The following ITPR2 variants were observed in gnomAD, a reference collection of about 807,000 sequenced individuals.
ITPR2 encodes inositol 1,4,5-trisphosphate-gated calcium channel ITPR2.
ITPR2 carries 207 observed loss-of-function variants against 317.1 expected under a neutral mutation model. The ratio of observed to expected loss-of-function variants is 0.65; its 90% CI spans 0.58 to 0.73. The LOEUF is 0.73. Ranked by LOEUF, ITPR2 falls within the 30% of genes least tolerant of loss-of-function variation. The pLI, the probability that ITPR2 is intolerant of heterozygous loss-of-function variation, is 0.00. For missense variants in ITPR2, 2,613 were observed against 3,284.0 expected (o/e 0.80, Z 4.99); for synonymous variants, 1,156 against 1,149.1 (o/e 1.01, Z -0.12).
chr12:26,369,448 T>C (rs1939115940), intron 55 of ITPR2, among the ~76,000 whole-genome samples: 3 of 152,214 alleles, frequency 2.0e-5, no homozygotes, highest in Admixed American at 6.5e-5. Flanking sequence ...ATCAGTTTTA[T>C]TAAATAATGT....
Position 26,595,521 on chromosome 12 carries a change from A to T in ITPR2, c.4324T>A (p.Tyr1442Asn), listed in dbSNP as rs779465295. ...AATTTCCAAATGTGGTTACTTGTAT[A>T]GATTTCTTTCATTTCCACTTCAGTG... Reference protein sequence around the residue: ...VDTEVEMKEIYTSNHIWKLFE... With the variant: ...VDTEVEMKEINTSNHIWKLFE... The change falls in exon 32 of 57, where the codon TAT becomes AAT. Residue 1442 changes from tyrosine to asparagine, a missense_variant. Transcript: ENST00000381340. 3.7e-6 allele frequency: 6 copies of T among 1,607,908 alleles called. No individual in the cohort carries two copies. The South Asian group carries it at 6.7e-5, about 18-fold the overall frequency.
At chr12:26,755,523 G>A (rs551969526) in intron 2 of ITPR2, among the ~76,000 whole-genome samples, 1 of 152,238 alleles carries the variant, frequency 6.6e-6, no homozygotes, top group South Asian at 2.1e-4. Context: ...CTTTTCTTTT[G>A]AGTTATTTAA....
intron 37 of ITPR2, among the ~76,000 whole-genome samples, chr12:26,497,321 T>A (rs980845334): frequency 1.3e-5 from 2 of 151,836 alleles, no homozygotes; most frequent in Non-Finnish European, 2.9e-5. Context: ...ACCCAGCTAA[T>A]TTTTTTGTAT....
Position 26,732,448 on chromosome 12 carries a change from C to A in ITPR2, c.164-6683G>T, listed in dbSNP as rs189326849. On this transcript the variant is annotated intron_variant, in intron 2 of 56. Coordinates refer to ENST00000381340, the MANE Select transcript of ITPR2 (RefSeq NM_002223.4). ...GCTTGAATGCCCTGACAAGTGACTG[C>A]CTGACCTCTTAGTGGTAGGGACACC... Among the ~76,000 whole-genome samples, 264 of 152,280 alleles carry A rather than the reference C, an allele frequency of 1.7e-3. 1 individual carries two copies. The highest frequency in any genetic ancestry group is 6.0e-3 in the African/African-American group (250 of 41,560).
chr12:26,474,800 A>C (rs1020375537), intron 45 of ITPR2, among the ~76,000 whole-genome samples: 4 of 150,806 alleles, frequency 2.7e-5, no homozygotes, highest in Middle Eastern at 3.2e-3. Flanking sequence ...TCTCAAAAAA[A>C]AAAAAAAAAA....
chr12:26,414,006 T>G (rs1940635641), intron 51 of ITPR2, among the ~76,000 whole-genome samples: 1 of 150,140 alleles, frequency 6.7e-6, no homozygotes, highest in African/African-American at 2.5e-5. Context: ...AGTAAGTAAT[T>G]AATGTGGAGG....
intron 2 of ITPR2, among the ~76,000 whole-genome samples, chr12:26,733,321 AAAAAAAAAGAAAAG>A (rs1414200560): frequency 1.4e-5 from 2 of 144,156 alleles, no homozygotes; most frequent in Admixed American, 6.8e-5. Context: ...CTCAAAAAAA[AAAAAAAAAGAAAAG>A]AAAAGAAAAG....
chr12:26,661,430 G>A (rs1947501799), intron 15 of ITPR2, among the ~76,000 whole-genome samples: 1 of 152,082 alleles, frequency 6.6e-6, no homozygotes, highest in Non-Finnish European at 1.5e-5. Context: ...ACTGACACCA[G>A]GTAAGACATG....
At chr12:26,804,020 T>TA (rs1252165170) in intron 1 of ITPR2, among the ~76,000 whole-genome samples, 1 of 152,008 alleles carries the variant, frequency 6.6e-6, no homozygotes, top group African/African-American at 2.4e-5. Flanking sequence ...TATATATAAA[T>TA]AAAAAATAAA....
At chr12:26,781,474 T>G (rs1249080516) in intron 2 of ITPR2, among the ~76,000 whole-genome samples, 2 of 152,220 alleles carry the variant, frequency 1.3e-5, no homozygotes, top group African/African-American at 4.8e-5. Context: ...CTTAACTTTA[T>G]GTAATAGTAT....
chr12:26,382,578 T>A (rs1310243198), intron 55 of ITPR2, among the ~76,000 whole-genome samples: 1 of 152,026 alleles, frequency 6.6e-6, no homozygotes, highest in Non-Finnish European at 1.5e-5. Context: ...GGCAGGAGGA[T>A]CTCTTGAACC....
chr12:26,668,819 T>C (rs1000913094), intron 13 of ITPR2, among the ~76,000 whole-genome samples: 2 of 150,318 alleles, frequency 1.3e-5, no homozygotes, highest in African/African-American at 4.9e-5. Flanking sequence ...AAAAAAAAAA[T>C]CTGAGAGATA....
At chr12:26,717,348 A>T (rs757688396) in intron 5 of ITPR2, among the ~76,000 whole-genome samples, 9 of 152,230 alleles carry the variant, frequency 5.9e-5, no homozygotes, top group African/African-American at 9.6e-5. Context: ...CCTCATATGG[A>T]TGATACGGAG....
intron 26 of ITPR2, among the ~76,000 whole-genome samples, chr12:26,604,621 T>C (rs958824870): frequency 6.6e-6 from 1 of 152,138 alleles, no homozygotes; most frequent in Non-Finnish European, 1.5e-5. Context: ...AAGTAAAAGA[T>C]CAAAACACTG....
chr12:26,579,572 A>G (rs1945348837), intron 33 of ITPR2, among the ~76,000 whole-genome samples: 1 of 152,160 alleles, frequency 6.6e-6, no homozygotes, highest in South Asian at 2.1e-4. Context: ...ATAATAAACC[A>G]TCCTACAGAT....
chr12:26,567,536 T>G (rs1945010086), intron 34 of ITPR2, among the ~76,000 whole-genome samples: 1 of 152,168 alleles, frequency 6.6e-6, no homozygotes, highest in Admixed American at 6.5e-5. Context: ...AGGTAAACTT[T>G]GAACAGAGCT....
chr12:26,411,129 G>C (rs1565511480), intron 52 of ITPR2, 191 bp downstream of exon 52: 3 of 545,438 alleles, frequency 5.5e-6, no homozygotes, highest in East Asian at 3.1e-5. Flanking sequence ...TAACGAACAG[G>C]AGAGGGGTAC....
At chr12:26,582,022 T>C (rs1266843681) in intron 32 of ITPR2, among the ~76,000 whole-genome samples, 5 of 152,220 alleles carry the variant, frequency 3.3e-5, no homozygotes, top group Admixed American at 2.6e-4. Flanking sequence ...AATCTATTTC[T>C]GGATCAAGAC....
intron 52 of ITPR2, among the ~76,000 whole-genome samples, chr12:26,407,874 C>T (rs1022520186): frequency 3.3e-5 from 5 of 152,164 alleles, no homozygotes; most frequent in Admixed American, 1.3e-4. Context: ...GCACACAATG[C>T]GCTCAGCACA....
Sources: gnomAD v4.1 joint callset for allele counts (sites outside exome capture counted in the v4.1 genomes callset) on GRCh38, gnomAD v4.1.1 for gene constraint, MANE v1.5 for transcripts, NCBI Gene and HGNC (gene_info 2026-07-23, HGNC 2026-07-21) for gene names.